Variants in TMEM209 observed in about 807,000 individuals in gnomAD.
TMEM209 encodes the protein transmembrane protein 209, also known as testicular tissue protein Li 202.
TMEM209 carries 65 observed loss-of-function variants against 76.2 expected under a neutral mutation model. The ratio of observed to expected loss-of-function variants is 0.85; its 90% CI spans 0.70 to 1.05. TMEM209 has a LOEUF of 1.05. TMEM209 is among the 50% of genes least tolerant of loss of function. The pLI is 0.00. For missense variants in TMEM209, 623 were observed against 685.5 expected (o/e 0.91, Z 1.02); for synonymous variants, 239 against 237.6 (o/e 1.01, Z -0.06).
rs997431780 is a variant in TMEM209 at position 130,205,283 on chromosome 7, CT to C, written c.3+89del. The C allele has an allele frequency of 9.5e-5, 153 of 1,612,682 alleles. 1 individual carries two copies. In the African/African-American group the frequency reaches 1.9e-3, roughly 20 times the overall value. ...GAACGCCTAGCCACATCCCCCTTGG[CT>C]GAACCCAGGACAGATCAGCAGGCGC... On this transcript the variant is annotated intron_variant, in intron 1 of 14. Coordinates refer to ENST00000397622, the MANE Select transcript of TMEM209 (RefSeq NM_032842.4).
rs187989495 is a variant in TMEM209 at position 130,165,793 on chromosome 7, C to T, written c.*658G>A. On this transcript the variant is annotated 3_prime_UTR_variant, in exon 15 of 15. Coordinates refer to ENST00000397622, the MANE Select transcript of TMEM209 (RefSeq NM_032842.4). ...ATAACTGAGGCTGGGCGCAGTGGCTCGCACCTATAATCCCAGCACTTTGGG... is the reference window on the plus strand; with the variant it reads ...ATAACTGAGGCTGGGCGCAGTGGCTTGCACCTATAATCCCAGCACTTTGGG... The T allele has an allele frequency of 1.3e-5, 2 of 151,670 alleles. No individual in the cohort carries two copies. The highest frequency in any genetic ancestry group is 1.3e-4 in the Admixed American group (2 of 15,228). The allele number at this position is 151,670 out of a possible 1,614,324, so 9.4% of individuals were successfully genotyped here. A position where few individuals can be genotyped will look rare whatever the true frequency, so the allele number is the denominator to read the frequency against.
At chr7:130,202,426 A>G in intron 4 of TMEM209, 106 bp downstream of exon 4, 1 of 1,425,730 alleles carries the variant, frequency 7.0e-7, no homozygotes, top group African/African-American at 1.4e-5. Flanking sequence ...TGCTTAAGAT[A>G]GCTGATGTCC....
intron 6 of TMEM209, among the ~76,000 whole-genome samples, chr7:130,190,773 G>A (rs1797766561): frequency 6.6e-6 from 1 of 151,984 alleles, no homozygotes; most frequent in South Asian, 2.1e-4. Context: ...AAAGTGGGTG[G>A]ATTGTGTGAG....
At position 130,184,190 on chromosome 7, in the gene TMEM209, A is replaced by C. The variant is rs367630141; in HGVS notation, c.1017T>G (p.Phe339Leu). The C allele has an allele frequency of 5.0e-5, 80 of 1,603,822 alleles. No homozygotes were observed. In the Middle Eastern group the frequency reaches 8.2e-4, roughly 17 times the overall value. ...LDHMDSWTAK[F>L]RNWINETILV... ...GAGTAATGTCAGAACTTACATTTCT[A>C]AATTTAGCTGTCCATGAATCCATAT... The change falls in exon 8 of 15, where the codon TTT (phenylalanine) becomes TTG (leucine). Residue 339 changes from phenylalanine to leucine, a missense_variant. By Grantham distance (22) the Phe-to-Leu change is conservative (BLOSUM62 0). Transcript: ENST00000397622.
At chr7:130,198,657 G>A (rs1272659472) in intron 5 of TMEM209, among the ~76,000 whole-genome samples, 1 of 152,134 alleles carries the variant, frequency 6.6e-6, no homozygotes, top group African/African-American at 2.4e-5. Context: ...TTAAGGTTAA[G>A]AATTTACCAC....
In TMEM209 at chr7:130,201,705, A is replaced by G. The variant is rs1798207043; in HGVS notation, c.573+145T>C. ...TTTAAGATGTTGTGTTTAAGATATTATGTTCTATTCTCGGTTTTTAAATGG... is the reference window on the plus strand; with the variant it reads ...TTTAAGATGTTGTGTTTAAGATATTGTGTTCTATTCTCGGTTTTTAAATGG... On this transcript the variant is annotated intron_variant, in intron 5 of 14. Transcript: ENST00000397622. 3.0e-6 allele frequency: 3 copies of G among 984,756 alleles called. No homozygotes were observed. The South Asian group carries it at 5.2e-5, about 17-fold the overall frequency. 61.0% of individuals were successfully genotyped at this position (984,756 alleles called of 1,614,324 possible).
In TMEM209 at chr7:130,165,171, T is replaced by C. The variant is rs1281648487; in HGVS notation, c.*1280A>G. 6.6e-6 allele frequency: 1 copy of C among 152,198 alleles called. No homozygotes were observed. Among genetic ancestry groups the C allele is most frequent in the Non-Finnish European group, 1.5e-5 (1 of 68,018 alleles). The allele number at this position is 152,198 out of a possible 1,614,324, so 9.4% of individuals were successfully genotyped here. On this transcript the variant is annotated 3_prime_UTR_variant, in exon 15 of 15. Coordinates refer to ENST00000397622, the MANE Select transcript of TMEM209 (RefSeq NM_032842.4). ...AGTCTGAGGGAATGACAAAACGGGA[T>C]GCACATCTAACACTGATACACGGTT...
intron 5 of TMEM209, among the ~76,000 whole-genome samples, chr7:130,197,457 G>C (rs529309862): frequency 8.5e-5 from 13 of 152,316 alleles, no homozygotes; most frequent in African/African-American, 3.1e-4. Context: ...CAGAGACTTA[G>C]GGGGTGGAAA....
intron 6 of TMEM209, among the ~76,000 whole-genome samples, chr7:130,186,141 A>G (rs1465563970): frequency 1.3e-5 from 2 of 152,206 alleles, no homozygotes; most frequent in Admixed American, 1.3e-4. Flanking sequence ...TGAAGGGCTT[A>G]TATTTTCGGA....
intron 9 of TMEM209, among the ~76,000 whole-genome samples, chr7:130,179,203 T>C (rs1298826146): frequency 6.6e-6 from 1 of 152,096 alleles, no homozygotes; most frequent in African/African-American, 2.4e-5. Context: ...AGAATAGTAT[T>C]AACACCTGGA....
chr7:130,205,134 C>G, intron 1 of TMEM209: 1 of 1,454,722 alleles, frequency 6.9e-7, no homozygotes. Context: ...GAGGACAGAG[C>G]AATAGCTTTC....
Position 130,173,874 on chromosome 7 carries a change from G to A in TMEM209, c.1410C>T (p.Asp470=), listed in dbSNP as rs780640852. The A allele has an allele frequency of 9.9e-6, 16 of 1,613,756 alleles. No homozygotes were observed. The highest frequency in any genetic ancestry group is 5.3e-5 in the African/African-American group (4 of 74,924). The change falls in exon 12 of 15, where the codon GAC becomes GAT. Residue 470 remains aspartate (D), a synonymous_variant. Coordinates refer to ENST00000397622, the MANE Select transcript of TMEM209 (RefSeq NM_032842.4). The part of the protein sequence containing the change: ...SRLPPHPKYP[D]GKTFTSQHFV... ...AGTGCTGAGAAGTAAAAGTTTTTCCGTCGGGATACTTCGGATGTGGAGGTA... is the reference window on the plus strand; with the variant it reads ...AGTGCTGAGAAGTAAAAGTTTTTCCATCGGGATACTTCGGATGTGGAGGTA...
chr7:130,191,744 G>A (rs78890297), intron 6 of TMEM209, among the ~76,000 whole-genome samples: 1 of 152,292 alleles, frequency 6.6e-6, no homozygotes, highest in Non-Finnish European at 1.5e-5. Context: ...GAATAAAAGT[G>A]AAGTCAGAAA....
At chr7:130,178,320 G>T in intron 10 of TMEM209, 82 bp downstream of exon 10, 1 of 1,350,778 alleles carries the variant, frequency 7.4e-7, no homozygotes, top group Non-Finnish European at 9.9e-7. Context: ...TTAATTAAAA[G>T]TTTTTCCTTG....
Position 130,178,502 on chromosome 7 carries a change from T to C in TMEM209, c.1146A>G (p.Gln382=). The change falls in exon 10 of 15, where the codon CAA becomes CAG. Residue 382 remains glutamine, a synonymous_variant. Transcript: ENST00000397622. ...TGAGAGGCGCTTTAACCAGGGCAGCTTGTTTCAAGCTAGTAATACTAGCCT... is the reference window on the plus strand; with the variant it reads ...TGAGAGGCGCTTTAACCAGGGCAGCCTGTTTCAAGCTAGTAATACTAGCCT... ...IGEASITSLK[Q]AALVKAPLIP... 1 of 1,613,826 alleles carries C rather than the reference T, an allele frequency of 6.2e-7. No homozygotes were observed. The highest frequency in any genetic ancestry group is 1.1e-5 in the South Asian group (1 of 91,078).
intron 5 of TMEM209, among the ~76,000 whole-genome samples, chr7:130,197,290 G>A (rs1798021204): frequency 6.6e-6 from 1 of 152,184 alleles, no homozygotes; most frequent in Admixed American, 6.5e-5. Context: ...ATATTATTCA[G>A]CCTTAAAAAG....
rs1273808469 is a variant in TMEM209, at chr7:130,165,713, A to C, written c.*738T>G. The C allele has an allele frequency of 6.6e-6, 1 of 151,654 alleles. No homozygotes were observed. Among genetic ancestry groups the C allele is most frequent in the Non-Finnish European group, 1.5e-5 (1 of 67,930 alleles). The allele number at this position is 151,654 out of a possible 1,614,324, so 9.4% of individuals were successfully genotyped here. A position where few individuals can be genotyped will look rare whatever the true frequency, so the allele number is the denominator to read the frequency against. On this transcript the variant is annotated 3_prime_UTR_variant, in exon 15 of 15. Coordinates refer to ENST00000397622, the MANE Select transcript of TMEM209 (RefSeq NM_032842.4). Reference sequence around the variant, plus strand: ...TGGGGAAACATTAAAAAAAAAAAAAAAAAAACTAAATCAGCAATTTTCTTA... The same window carrying C: ...TGGGGAAACATTAAAAAAAAAAAAACAAAAACTAAATCAGCAATTTTCTTA...
intron 14 of TMEM209, among the ~76,000 whole-genome samples, 175 bp downstream of exon 14, chr7:130,170,225 G>C (rs1584663429): frequency 6.6e-6 from 1 of 152,244 alleles, no homozygotes; most frequent in Admixed American, 6.5e-5. Context: ...TGGGTTCCGA[G>C]GAGTTAGCTA....
In TMEM209 at chr7:130,185,257, T is replaced by C. The variant is rs765375105; in HGVS notation, c.886A>G (p.Arg296Gly). ...LKKFQYQLAC[R>G]SQAPCANKDE... ...TTGTTAGCACATGGGGCCTGAGACC[T>C]ACAGGCAAGCTGATACTGAAACTTC... The change falls in exon 7 of 15, where the codon AGG becomes GGG. Residue 296 changes from arginine to glycine, a missense_variant. Coordinates refer to ENST00000397622, the MANE Select transcript of TMEM209 (RefSeq NM_032842.4). The C allele has an allele frequency of 3.1e-6, 5 of 1,613,910 alleles. No individual in the cohort carries two copies. In the Admixed American group the frequency reaches 6.7e-5, roughly 22 times the overall value.
Sources: allele counts gnomAD v4.1 joint callset (sites outside exome capture counted in the v4.1 genomes callset), GRCh38; gene constraint gnomAD v4.1.1; transcripts MANE v1.5; gene names NCBI Gene and HGNC (gene_info 2026-07-23, HGNC 2026-07-21).